Variants in TSPAN18 observed in about 807,000 individuals in gnomAD.
The protein encoded by TSPAN18 is tetraspanin 18, also known as tetraspanin-18.
TSPAN18 carries 14 observed loss-of-function variants against 27.3 expected under a neutral mutation model. That is an observed-to-expected ratio of 0.51 (90% CI 0.34 to 0.80). The LOEUF is 0.80. Among genes scored for constraint, TSPAN18 ranks in the 30% least tolerant of loss-of-function variants. The pLI, the probability that TSPAN18 is intolerant of heterozygous loss-of-function variation, is 0.01. For missense variants in TSPAN18, 268 were observed against 323.9 expected (o/e 0.83, Z 1.32); for synonymous variants, 143 against 136.5 (o/e 1.05, Z -0.33).
In TSPAN18 at chr11:44,858,040, GT is replaced by G. The variant is rs370850848; in HGVS notation, c.-152-2287del. Among the ~76,000 whole-genome samples the G allele has an allele frequency of 1.7e-3, 252 of 152,346 alleles. 1 individual carries two copies. Among genetic ancestry groups the G allele is most frequent in the African/African-American group, 4.9e-3 (203 of 41,584 alleles). ...TTCAAATCCAGTCTATTTCACAGCC[GT>G]GTGTCTGAAAGTTACCTAGCTTCTC... On this transcript the variant is annotated intron_variant, in intron 2 of 9. Transcript: ENST00000520358.
chr11:44,756,471 A>G (rs1214758429), intron 1 of TSPAN18, among the ~76,000 whole-genome samples: 1 of 152,142 alleles, frequency 6.6e-6, no homozygotes, highest in East Asian at 1.9e-4. Context: ...TTTTAAATAC[A>G]TTCATAATGT....
At chr11:44,748,192 G>A (rs956444671) in intron 1 of TSPAN18, among the ~76,000 whole-genome samples, 1 of 152,206 alleles carries the variant, frequency 6.6e-6, no homozygotes, top group Non-Finnish European at 1.5e-5. Flanking sequence ...CAGATCACTT[G>A]AGGCCAGGAG....
intron 3 of TSPAN18, among the ~76,000 whole-genome samples, chr11:44,904,736 C>G (rs1859392753): frequency 6.6e-6 from 1 of 152,240 alleles, no homozygotes; most frequent in African/African-American, 2.4e-5. Context: ...GCAGGCACCG[C>G]TCTGCTCCAT....
chr11:44,734,979 C>T (rs1333945391), intron 1 of TSPAN18, among the ~76,000 whole-genome samples: 1 of 152,240 alleles, frequency 6.6e-6, no homozygotes, highest in Non-Finnish European at 1.5e-5. Flanking sequence ...AAACACCGCC[C>T]TCCATGGTCC....
chr11:44,800,006 G>GGTTTTTTT (rs1554985027), intron 2 of TSPAN18, among the ~76,000 whole-genome samples: 276 of 109,054 alleles, frequency 2.5e-3, no homozygotes, highest in East Asian at 9.7e-3. Context: ...AATTTTTTGT[G>GGTTTTTTT]TTTTTTTTTT....
At chr11:44,778,435 A>G (rs1396492581) in intron 2 of TSPAN18, among the ~76,000 whole-genome samples, 1 of 152,172 alleles carries the variant, frequency 6.6e-6, no homozygotes, top group African/African-American at 2.4e-5. Context: ...ATCCTCTGGA[A>G]AACAAGCTAG....
intron 2 of TSPAN18, among the ~76,000 whole-genome samples, chr11:44,790,295 ATG>A (rs779969856): frequency 1.6e-4 from 23 of 143,804 alleles, no homozygotes; most frequent in Admixed American, 1.3e-3. Context: ...GTGTATGTGC[ATG>A]TGTGTGTGCA....
At chr11:44,817,929 GTC>G (rs1310345288) in intron 2 of TSPAN18, among the ~76,000 whole-genome samples, 2 of 152,204 alleles carry the variant, frequency 1.3e-5, no homozygotes, top group Non-Finnish European at 2.9e-5. Context: ...CTGGACAACA[GTC>G]CTCAGTGGGA....
intron 3 of TSPAN18, among the ~76,000 whole-genome samples, chr11:44,899,915 T>C (rs1181866048): frequency 3.9e-5 from 6 of 152,188 alleles, no homozygotes; most frequent in African/African-American, 1.4e-4. Context: ...GGGCATCATG[T>C]CCCACAGCAG....
chr11:44,864,421 T>G (rs900015973), intron 3 of TSPAN18, among the ~76,000 whole-genome samples: 3 of 152,144 alleles, frequency 2.0e-5, no homozygotes, highest in African/African-American at 7.2e-5. Context: ...CATTGAGCAC[T>G]TACTGTGTGC....
In TSPAN18 at chr11:44,764,482, G is replaced by A. The variant is rs1855521339; in HGVS notation, c.-183G>A. On this transcript the variant is annotated 5_prime_UTR_variant, in exon 2 of 10. Transcript: ENST00000520358. ...CTGTAAGAGAACCTTGGCACCTCTG[G>A]GCCCAAAGGGAAAGACACCAGTGGA... The A allele has an allele frequency of 6.6e-6, 1 of 152,206 alleles. No individual in the cohort carries two copies. The highest frequency in any genetic ancestry group is 1.5e-5 in the Non-Finnish European group (1 of 68,080). 9.4% of individuals were successfully genotyped at this position (152,206 alleles called of 1,614,324 possible). A position where few individuals can be genotyped will look rare whatever the true frequency, so the allele number is the denominator to read the frequency against.
intron 3 of TSPAN18, among the ~76,000 whole-genome samples, chr11:44,883,268 C>CACCATT: frequency 6.6e-6 from 1 of 152,302 alleles, no homozygotes; most frequent in East Asian, 1.9e-4. Flanking sequence ...ATATTCAGAC[C>CACCATT]ACCATTTCCA....
At chr11:44,929,064 TG>T in intron 9 of TSPAN18, 66 bp from the exon 10 acceptor site, 1 of 1,597,604 alleles carries the variant, frequency 6.3e-7, no homozygotes. Context: ...TCCCCTGGAG[TG>T]GGCCAGGCAG....
Position 44,918,007 on chromosome 11 carries a change from G to T in TSPAN18, c.294G>T (p.Glu98Asp). The T allele has an allele frequency of 6.2e-7, 1 of 1,614,136 alleles. No individual in the cohort carries two copies. Residue 98 changes from glutamate to aspartate, a missense_variant, in exon 6 of 10, where the codon GAG becomes GAT. By Grantham distance (45) the Glu-to-Asp change is conservative (BLOSUM62 2). Transcript: ENST00000520358. ...TCATCCTGATCATCTTCCTGGCAGAGCTCTCAGCAGCCATCCTGGCCTTCA... is the reference window on the plus strand; with the variant it reads ...TCATCCTGATCATCTTCCTGGCAGATCTCTCAGCAGCCATCCTGGCCTTCA... ...FLFILIIFLAELSAAILAFIF... is the reference protein window; with the variant it reads ...FLFILIIFLADLSAAILAFIF...
At chr11:44,742,297 C>G (rs1164955919) in intron 1 of TSPAN18, among the ~76,000 whole-genome samples, 1 of 148,150 alleles carries the variant, frequency 6.7e-6, no homozygotes, top group Non-Finnish European at 1.5e-5. Flanking sequence ...TCTTCCCTCC[C>G]TCCCTCCCTC....
At chr11:44,762,673 A>C (rs987379237) in intron 1 of TSPAN18, among the ~76,000 whole-genome samples, 1 of 152,080 alleles carries the variant, frequency 6.6e-6, no homozygotes, top group African/African-American at 2.4e-5. Flanking sequence ...AAATGTAACA[A>C]ATTCCTCTGA....
Position 44,930,735 on chromosome 11 carries a change from G to A in TSPAN18, c.*1557G>A, listed in dbSNP as rs1590713798. ...GTTTGGTCTGGGCTCAGTGGGAGACGGCAGTGCAATCCTGATGAGTGATGT... is the reference window on the plus strand; with the variant it reads ...GTTTGGTCTGGGCTCAGTGGGAGACAGCAGTGCAATCCTGATGAGTGATGT... On this transcript the variant is annotated 3_prime_UTR_variant, in exon 10 of 10. Coordinates refer to ENST00000520358, the MANE Select transcript of TSPAN18 (RefSeq NM_130783.5). 2.6e-5 allele frequency: 11 copies of A among 415,214 alleles called. No homozygotes were observed. The highest frequency in any genetic ancestry group is 3.0e-5 in the Non-Finnish European group (6 of 202,732). The allele number at this position is 415,214 out of a possible 1,614,324, so 25.7% of individuals were successfully genotyped here. A position where few individuals can be genotyped will look rare whatever the true frequency, so the allele number is the denominator to read the frequency against.
chr11:44,840,412 GT>G (rs1478564014), intron 2 of TSPAN18, among the ~76,000 whole-genome samples: 2 of 152,352 alleles, frequency 1.3e-5, no homozygotes, highest in South Asian at 2.1e-4. Flanking sequence ...GGATAAAGCT[GT>G]TTTGGCAGGT....
At chr11:44,798,990 G>A (rs771052546) in intron 2 of TSPAN18, among the ~76,000 whole-genome samples, 8 of 44,544 alleles carry the variant, frequency 1.8e-4, no homozygotes, top group East Asian at 1.5e-3. Flanking sequence ...CCCCCACCCC[G>A]CCTTTGTGAC....
Sources: gnomAD v4.1 joint callset for allele counts (sites outside exome capture counted in the v4.1 genomes callset) on GRCh38, gnomAD v4.1.1 for gene constraint, MANE v1.5 for transcripts, NCBI Gene and HGNC (gene_info 2026-07-23, HGNC 2026-07-21) for gene names.